The following AACS variants were observed in gnomAD, a reference collection of about 807,000 sequenced individuals.
AACS encodes the protein acetoacetate-CoA ligase.
A neutral mutation model predicts 83.1 loss-of-function variants in AACS; 69 were observed. The observed-to-expected ratio is 0.83, with a 90% CI of 0.68 to 1.01. The LOEUF is 1.01. AACS is among the 50% of genes least tolerant of loss of function. The pLI, the probability that AACS is intolerant of heterozygous loss-of-function variation, is 0.00. For missense variants in AACS, 866 were observed against 882.2 expected, an observed-to-expected ratio of 0.98 and a Z score of 0.23; for synonymous variants, 333 against 343.4, an observed-to-expected ratio of 0.97 and a Z score of 0.33.
At chr12:125,114,584 G>A (rs2136110559) in intron 9 of AACS, 27 bp downstream of exon 9, 1 of 1,599,824 alleles carries the variant, frequency 6.3e-7, no homozygotes, top group East Asian at 2.3e-5. Context: ...GTGCTGGCCT[G>A]TGCTATACCA....
intron 3 of AACS, among the ~76,000 whole-genome samples, chr12:125,084,560 C>A (rs1047116745): frequency 1.3e-4 from 20 of 148,818 alleles, no homozygotes; most frequent in African/African-American, 5.0e-4. Context: ...TACACCACCA[C>A]GCCTGGCTAG....
Position 125,129,354 on chromosome 12 carries a change from G to C in AACS, c.1443G>C (p.Glu481Asp), listed in dbSNP as rs756230618. 16 of 1,613,654 alleles carry C rather than the reference G, an allele frequency of 9.9e-6. 1 individual carries two copies. In the South Asian group the frequency reaches 1.8e-4, roughly 18 times the overall value. The change falls in exon 14 of 18, where the codon GAG becomes GAC. Residue 481 changes from glutamate (E) to aspartate (D), a missense_variant. Transcript: ENST00000316519. The surrounding 1 kb of genome is among the most constrained non-coding windows in gnomAD (Gnocchi z 4.3). ...TACCAGGAAAGGCGGTCTGGGGAGA[G>C]AGCGGCGAGCTGGTGTGTACTAAGC... ...WNEEGKAVWG[E>D]SGELVCTKPI...
intron 8 of AACS, among the ~76,000 whole-genome samples, chr12:125,107,646 C>A (rs1181108066): frequency 2.0e-5 from 3 of 152,202 alleles, no homozygotes; most frequent in African/African-American, 7.2e-5. Context: ...AAGAACGAAT[C>A]AGAATAGACA....
chr12:125,072,157 C>CTT (rs1244336663), intron 1 of AACS, among the ~76,000 whole-genome samples: 12,901 of 136,454 alleles, frequency 0.095, 751 homozygotes, highest in Middle Eastern at 0.18. Flanking sequence ...GCTCCTGGCG[C>CTT]TTTTTTTTTT....
At position 125,107,412 on chromosome 12, in the gene AACS, G is replaced by T. The variant is rs906966085; in HGVS notation, c.915+144G>T. 7 of 1,165,000 alleles carry T rather than the reference G, an allele frequency of 6.0e-6. No homozygotes were observed. The South Asian group carries it at 9.0e-5, about 15-fold the overall frequency. The allele number at this position is 1,165,000 out of a possible 1,614,324, so 72.2% of individuals were successfully genotyped here. On this transcript the variant is annotated intron_variant, in intron 8 of 17. Transcript: ENST00000316519. ...AACGTGCAGCTTCTCTCCAAGTGGG[G>T]TGCTGCACGGAGATCCGGCACTGGG...
At chr12:125,123,066 G>C (rs1339283049) in intron 10 of AACS, 1 of 152,252 alleles carries the variant, frequency 6.6e-6, no homozygotes, top group Non-Finnish European at 1.5e-5. Flanking sequence ...CATCACCTCT[G>C]AGTGCTGGCG....
intron 5 of AACS, among the ~76,000 whole-genome samples, chr12:125,100,348 C>G (rs1956687443): frequency 6.6e-6 from 1 of 152,250 alleles, no homozygotes; most frequent in African/African-American, 2.4e-5. Flanking sequence ...AATTCCTTCT[C>G]TCTTTTTCTT....
intron 9 of AACS, 46 bp from the exon 10 acceptor site, chr12:125,118,595 G>T (rs776125377): frequency 1.7e-5 from 27 of 1,608,674 alleles, no homozygotes; most frequent in East Asian, 2.2e-5. Context: ...GCGCTGGGGG[G>T]AGCTGCCTAG....
Position 125,129,537 on chromosome 12 carries a change from G to A in AACS, c.1549+77G>A, listed in dbSNP as rs888753528. ...CTTCTGTGTCTAATTCTGTACCATC[G>A]TGCCCCTCCCCTCTTCCTTCCCCCA... On this transcript the variant is annotated intron_variant, in intron 14 of 17. Coordinates refer to ENST00000316519, the MANE Select transcript of AACS (RefSeq NM_023928.5). This position sits in a 1 kb window ranked among gnomAD's most constrained non-coding sequence, Gnocchi z 4.3. 2.9e-5 allele frequency: 44 copies of A among 1,526,806 alleles called. No individual in the cohort carries two copies. The highest frequency in any genetic ancestry group is 1.4e-4 in the East Asian group (6 of 42,280). The allele number at this position is 1,526,806 out of a possible 1,614,324, so 94.6% of individuals were successfully genotyped here.
chr12:125,135,135 C>T (rs1957383639), intron 16 of AACS, among the ~76,000 whole-genome samples: 1 of 151,586 alleles, frequency 6.6e-6, no homozygotes, highest in Admixed American at 6.6e-5. Flanking sequence ...TGTCTATCTA[C>T]TCTTTTTTTT....
At chr12:125,077,142 T>C (rs1956044853) in intron 3 of AACS, among the ~76,000 whole-genome samples, 1 of 151,444 alleles carries the variant, frequency 6.6e-6, no homozygotes, top group African/African-American at 2.4e-5. Flanking sequence ...TCTTGAAATC[T>C]TGGGCTCAAG....
intron 12 of AACS, chr12:125,126,395 C>T (rs1279604767): frequency 1.3e-5 from 2 of 152,186 alleles, no homozygotes; most frequent in East Asian, 3.9e-4. Context: ...AGGAAGCCGA[C>T]GTCGTTCCCT....
intron 9 of AACS, among the ~76,000 whole-genome samples, chr12:125,114,870 G>A (rs1043664437): frequency 7.9e-5 from 12 of 151,786 alleles, no homozygotes; most frequent in African/African-American, 2.7e-4. Flanking sequence ...TTCCCCGGGC[G>A]CCGGCCCGTG....
chr12:125,087,735 T>G (rs890335716), intron 4 of AACS, among the ~76,000 whole-genome samples: 4 of 152,234 alleles, frequency 2.6e-5, no homozygotes, highest in African/African-American at 9.6e-5. Context: ...TTGTCATCTA[T>G]AAGTGCAGTA....
rs772397111 is a variant in AACS, at chr12:125,118,730, G to A, written c.1086G>A (p.Thr362=). 2.6e-5 allele frequency: 42 copies of A among 1,613,994 alleles called. No homozygotes were observed. The highest frequency in any genetic ancestry group is 1.5e-4 in the African/African-American group (11 of 74,928). The change falls in exon 10 of 18, where the codon ACG becomes ACA. Residue 362 remains threonine (T), a synonymous_variant. Transcript: ENST00000316519. ...ACGATGGCTCCCCCCTGGTGCCCAC[G>A]CCCAATGTGCTCTGGGACCTGGTTG... ...VLYDGSPLVP[T]PNVLWDLVDR...
chr12:125,109,897 G>T (rs11058039), intron 8 of AACS, among the ~76,000 whole-genome samples: 1 of 152,198 alleles, frequency 6.6e-6, no homozygotes, highest in African/African-American at 2.4e-5. Flanking sequence ...GTGGGAACAC[G>T]CTGGAAATGA....
intron 5 of AACS, 145 bp from the exon 6 acceptor site, chr12:125,102,534 A>G: frequency 1.4e-6 from 1 of 708,746 alleles, no homozygotes; most frequent in Non-Finnish European, 2.5e-6. Flanking sequence ...GTGCAAGCAT[A>G]GCTCACTCCA....
intron 7 of AACS, 140 bp downstream of exon 7, chr12:125,103,221 G>A: frequency 1.5e-6 from 1 of 687,226 alleles, no homozygotes; most frequent in African/African-American, 1.8e-5. Context: ...GCATCATTTT[G>A]TAGATAAGAC....
At position 125,071,500 on chromosome 12, in the gene AACS, C is replaced by T. The variant is rs373816377; in HGVS notation, c.134-2376C>T. 3.9e-5 allele frequency among the ~76,000 whole-genome samples: 6 copies of T among 152,316 alleles called. No individual in the cohort carries two copies. In the South Asian group the frequency reaches 6.2e-4, roughly 16 times the overall value. On this transcript the variant is annotated intron_variant, in intron 1 of 17. Transcript: ENST00000316519. ...CTAGGTAGAAAAATTTGCATGATCC[C>T]TGCACAAGGTGGAGATGCAAATTCA...
Sources: gnomAD v4.1 joint callset for allele counts (sites outside exome capture counted in the v4.1 genomes callset) on GRCh38, gnomAD v4.1.1 for gene constraint, Gnocchi (gnomAD v3.1) non-coding constraint, MANE v1.5 for transcripts, NCBI Gene and HGNC (gene_info 2026-07-23, HGNC 2026-07-21) for gene names.